TMCC3: variants seen among roughly 807,000 people sequenced by gnomAD.
TMCC3 encodes transmembrane and coiled-coil domain protein 3.
In TMCC3, 28 loss-of-function variants were observed where a neutral mutation model predicts 40.2. The ratio of observed to expected loss-of-function variants is 0.70; its 90% CI spans 0.52 to 0.95. TMCC3 has a LOEUF of 0.95. Among genes scored for constraint, TMCC3 ranks in the 40% least tolerant of loss-of-function variants. TMCC3 has a pLI of 0.00. For synonymous variants in TMCC3, 255 were observed against 248.5 expected (o/e 1.03, Z -0.25); for missense variants, 554 against 615.2 (o/e 0.90, Z 1.05).
intron 1 of TMCC3, among the ~76,000 whole-genome samples, chr12:94,614,460 C>T (rs940649151): frequency 2.6e-5 from 4 of 152,130 alleles, no homozygotes; most frequent in Non-Finnish European, 5.9e-5. Context: ...TAGAAAGGAA[C>T]AGGTGGGAAG....
At chr12:94,585,040 G>A (rs1594270747) in intron 1 of TMCC3, among the ~76,000 whole-genome samples, 1 of 152,050 alleles carries the variant, frequency 6.6e-6, no homozygotes, top group African/African-American at 2.4e-5. Flanking sequence ...TTGGGCAGAT[G>A]GGTAATTAAT....
chr12:94,640,158 T>C lies in TMCC3; in HGVS notation c.78+10195A>G, dbSNP rs192270079. 4.6e-5 allele frequency among the ~76,000 whole-genome samples: 7 copies of C among 152,272 alleles called. No homozygotes were observed. The East Asian group carries it at 1.3e-3, about 29-fold the overall frequency. ...CTTTGGTGCTAAAAACTTTCTAACA[T>C]TGCTCCAACACTTGCTAACTAGTTT... On this transcript the variant is annotated intron_variant, in intron 1 of 3. Coordinates refer to ENST00000261226, the MANE Select transcript of TMCC3 (RefSeq NM_020698.4).
At chr12:94,576,246 T>G (rs1452789472) in intron 3 of TMCC3, among the ~76,000 whole-genome samples, 1 of 152,234 alleles carries the variant, frequency 6.6e-6, no homozygotes, top group Non-Finnish European at 1.5e-5. Context: ...TTCCCAGAAC[T>G]GTCCCAAGTA....
At position 94,599,565 on chromosome 12, in the gene TMCC3, CCCG is replaced by C. The variant is rs1420835387; in HGVS notation, c.79-17030_79-17028del. On this transcript the variant is annotated intron_variant, in intron 1 of 3. Transcript: ENST00000261226. ...ATAATTTTTAAAAGATACCCCCCCC[CCCG>C]CCCACACACACACACAAGCCTAAGA... Among the ~76,000 whole-genome samples the C allele has an allele frequency of 5.4e-3, 719 of 133,720 alleles. 7 individuals carry two copies. Among genetic ancestry groups the C allele is most frequent in the African/African-American group, 0.018 (671 of 36,746 alleles). 87.7% of individuals were successfully genotyped at this position (133,720 alleles called of 152,430 possible).
At chr12:94,614,232 G>C (rs1281534860) in intron 1 of TMCC3, among the ~76,000 whole-genome samples, 1 of 152,024 alleles carries the variant, frequency 6.6e-6, no homozygotes, top group Non-Finnish European at 1.5e-5. Flanking sequence ...TTAACTCGTT[G>C]GGTAATAATG....
intron 1 of TMCC3, among the ~76,000 whole-genome samples, chr12:94,619,346 C>T (rs2068863422): frequency 1.3e-5 from 2 of 152,208 alleles, no homozygotes; most frequent in Admixed American, 6.5e-5. Context: ...CAGATCAGGA[C>T]CTGCAACCTA....
intron 1 of TMCC3, among the ~76,000 whole-genome samples, chr12:94,639,309 T>C (rs919810593): frequency 1.3e-5 from 2 of 152,166 alleles, no homozygotes; most frequent in African/African-American, 4.8e-5. Flanking sequence ...AGGCCGAGTA[T>C]GGTGGCTCAC....
chr12:94,618,934 A>G (rs1032651508), intron 1 of TMCC3, among the ~76,000 whole-genome samples: 1 of 152,148 alleles, frequency 6.6e-6, no homozygotes, highest in Non-Finnish European at 1.5e-5. Context: ...AATAGGGGGA[A>G]AAATGAAAGC....
intron 1 of TMCC3, among the ~76,000 whole-genome samples, chr12:94,597,124 CATATATATATATAT>C (rs869220054): frequency 2.0e-4 from 6 of 29,834 alleles, no homozygotes; most frequent in African/African-American, 3.9e-4. Context: ...TATTAAAATA[CATATATATATATAT>C]ATATATATAT....
chr12:94,574,398 A>AAC (rs1008900222), intron 3 of TMCC3, among the ~76,000 whole-genome samples: 3 of 151,808 alleles, frequency 2.0e-5, no homozygotes, highest in African/African-American at 7.3e-5. Context: ...AAAACAAAAA[A>AAC]AAAAAACAGA....
At chr12:94,589,632 G>A (rs1367560788) in intron 1 of TMCC3, among the ~76,000 whole-genome samples, 1 of 150,838 alleles carries the variant, frequency 6.6e-6, no homozygotes, top group East Asian at 1.9e-4. Flanking sequence ...ATTGCCTGGG[G>A]GCACACAGCC....
chr12:94,582,220 A>T lies in TMCC3; in HGVS notation c.397T>A (p.Leu133Ile). 1 of 1,614,120 alleles carries T rather than the reference A, an allele frequency of 6.2e-7. No homozygotes were observed. Among genetic ancestry groups the T allele is most frequent in the Non-Finnish European group, 8.5e-7 (1 of 1,180,024 alleles). Residue 133 changes from leucine to isoleucine, a missense_variant, in exon 2 of 4, where the codon TTA (leucine) becomes ATA (isoleucine). By Grantham distance (5) the Leu-to-Ile change is conservative. Transcript: ENST00000261226. ...AHSIAQLQKK[L>I]EQYHRKLREI... ...CTGAGCTTTCGATGATACTGCTCTA[A>T]CTTCTTCTGCAGCTGGGCGATGGAG...
intron 1 of TMCC3, among the ~76,000 whole-genome samples, chr12:94,632,525 T>C (rs1257818051): frequency 2.0e-5 from 3 of 152,236 alleles, no homozygotes; most frequent in African/African-American, 4.8e-5. Context: ...TATTAAAATG[T>C]GGCCTTAAAA....
rs117703714 is a variant in TMCC3, at chr12:94,606,593, G to T, written c.79-24055C>A. Among the ~76,000 whole-genome samples the T allele has an allele frequency of 8.8e-3, 1,335 of 152,028 alleles. 12 individuals carry two copies. Among genetic ancestry groups the T allele is most frequent in the Non-Finnish European group, 0.012 (798 of 67,974 alleles). On this transcript the variant is annotated intron_variant, in intron 1 of 3. Transcript: ENST00000261226. The stretch of plus-strand genomic sequence containing the variant: ...AACCAGCCCCAATATTTCAAAGTAG[G>T]TTCTATTTTCCCTAAGTGTCAGCCG...
intron 3 of TMCC3, among the ~76,000 whole-genome samples, chr12:94,576,546 A>G (rs996767896): frequency 1.3e-5 from 2 of 152,094 alleles, no homozygotes; most frequent in African/African-American, 4.8e-5. Flanking sequence ...GCATTGGCAC[A>G]ATCACTGTAA....
chr12:94,622,417 G>T (rs2068880595), intron 1 of TMCC3, among the ~76,000 whole-genome samples: 1 of 152,080 alleles, frequency 6.6e-6, no homozygotes, highest in Admixed American at 6.5e-5. Flanking sequence ...ATCCTCTCTT[G>T]TTAGGTACTT....
At chr12:94,650,318 C>T in intron 1 of TMCC3, 35 bp downstream of exon 1, 5 of 1,228,236 alleles carry the variant, frequency 4.1e-6, no homozygotes, top group Non-Finnish European at 5.1e-6. Flanking sequence ...CCCGGGCCCG[C>T]GCGCACCCGC....
intron 1 of TMCC3, among the ~76,000 whole-genome samples, chr12:94,599,563 C>G (rs79187088): frequency 0.37 from 35,041 of 94,738 alleles, 4,866 homozygotes; most frequent in East Asian, 0.51. Flanking sequence ...GATACCCCCC[C>G]CCCCGCCCAC....
chr12:94,586,251 A>G lies in TMCC3; in HGVS notation c.79-3713T>C, dbSNP rs184289037. ...TTATACTCAGAAAAGAGCACATGTA[A>G]TAAGTACAAAGTGAAATAAGTACTC... On this transcript the variant is annotated intron_variant, in intron 1 of 3. Transcript: ENST00000261226. Among the ~76,000 whole-genome samples, 12 of 152,380 alleles carry G rather than the reference A, an allele frequency of 7.9e-5. No individual in the cohort carries two copies. The East Asian group carries it at 2.1e-3, about 27-fold the overall frequency.
Sources: gnomAD v4.1 joint callset for allele counts (sites outside exome capture counted in the v4.1 genomes callset) on GRCh38, gnomAD v4.1.1 for gene constraint, MANE v1.5 for transcripts, NCBI Gene and HGNC (gene_info 2026-07-23, HGNC 2026-07-21) for gene names.